The following SPOCK2 variants were observed in gnomAD, a reference collection of about 807,000 sequenced individuals.
The protein encoded by SPOCK2 is testican-2.
A neutral mutation model predicts 60.1 loss-of-function variants in SPOCK2; 39 were observed. The ratio of observed to expected loss-of-function variants is 0.65; its 90% CI spans 0.50 to 0.85. The LOEUF is 0.85. Ranked by LOEUF, SPOCK2 falls within the 40% of genes least tolerant of loss-of-function variation. The pLI is 0.00. For synonymous variants in SPOCK2, 217 were observed against 231.5 expected, an observed-to-expected ratio of 0.94 and a Z score of 0.57; for missense variants, 523 against 567.4, an observed-to-expected ratio of 0.92 and a Z score of 0.80.
In SPOCK2 at chr10:72,062,823, G is replaced by A. The variant is rs1028819785; in HGVS notation, c.1212C>T (p.Gly404=). ...DEEEKETEEA[G]EEAEEEEGEA... is the part of the protein sequence containing the mutation. ...CGCCCTCCTCCTCCTCGGCCTCCTC[G>A]CCTGCTTCCTCCGTCTCCTTCTCCT... Residue 404 remains glycine, a synonymous_variant, in exon 11 of 11, where the codon GGC becomes GGT. Transcript: ENST00000373109. This position sits in a 1 kb window ranked among gnomAD's most constrained non-coding sequence, Gnocchi z 4.3. 1.2e-5 allele frequency: 19 copies of A among 1,609,318 alleles called. No individual in the cohort carries two copies. The highest frequency in any genetic ancestry group is 4.4e-5 in the South Asian group (4 of 90,894).
rs1001722128 is a variant in SPOCK2, at chr10:72,060,556, T to C, written c.*2204A>G. 7.0e-6 allele frequency: 1 copy of C among 142,528 alleles called. No homozygotes were observed. Among genetic ancestry groups the C allele is most frequent in the South Asian group, 2.2e-4 (1 of 4,494 alleles). 8.8% of individuals were successfully genotyped at this position (142,528 alleles called of 1,614,324 possible). A position where few individuals can be genotyped will look rare whatever the true frequency, so the allele number is the denominator to read the frequency against. Reference sequence around the variant, plus strand: ...AGCTGGGACAAATGGAAGAGATAGGTAGACTCCAATCCTAGCAAGAGCAGA... The same window carrying C: ...AGCTGGGACAAATGGAAGAGATAGGCAGACTCCAATCCTAGCAAGAGCAGA... On this transcript the variant is annotated 3_prime_UTR_variant, in exon 11 of 11. Coordinates refer to ENST00000373109, the MANE Select transcript of SPOCK2 (RefSeq NM_001244950.2).
intron 1 of SPOCK2, 35 bp downstream of exon 1, chr10:72,088,105 C>G: frequency 6.2e-7 from 1 of 1,606,560 alleles, no homozygotes; most frequent in Non-Finnish European, 8.5e-7. Context: ...AACCCGCAAC[C>G]CCGGGTCTCT....
Position 72,062,578 on chromosome 10 carries a change from C to T in SPOCK2, c.*182G>A, listed in dbSNP as rs945519661. 21 of 1,187,982 alleles carry T rather than the reference C, an allele frequency of 1.8e-5. No individual in the cohort carries two copies. In the African/African-American group the frequency reaches 3.2e-4, roughly 18 times the overall value. 73.6% of individuals were successfully genotyped at this position (1,187,982 alleles called of 1,614,324 possible). A position where few individuals can be genotyped will look rare whatever the true frequency, so the allele number is the denominator to read the frequency against. ...ATACACACATGCATGCACACATGCA[C>T]TCACACTGTCACCCGTCCCAGCCAT... On this transcript the variant is annotated 3_prime_UTR_variant, in exon 11 of 11. Transcript: ENST00000373109. The surrounding 1 kb of genome is among the most constrained non-coding windows in gnomAD (Gnocchi z 4.3).
intron 1 of SPOCK2, among the ~76,000 whole-genome samples, chr10:72,080,128 G>A (rs1024282914): frequency 6.6e-6 from 1 of 152,080 alleles, no homozygotes. Context: ...AGTGTTACAA[G>A]GGGTCTCAAT....
At chr10:72,077,847 C>T (rs1159556465) in intron 1 of SPOCK2, among the ~76,000 whole-genome samples, 2 of 152,164 alleles carry the variant, frequency 1.3e-5, no homozygotes, top group African/African-American at 4.8e-5. Flanking sequence ...CCGAATCCCT[C>T]TCGCTTGCCC....
chr10:72,068,272 G>T lies in SPOCK2; in HGVS notation c.504C>A (p.Ser168Arg), dbSNP rs1288261964. The stretch of plus-strand genomic sequence containing the variant: ...CGCATCGCACCGCCAGCTGCTTGCT[G>T]CTCAGGCACGCCTGTTGCTCCAGCT... ...VCKLEQQACL[S>R]SKQLAVRCEG... is the part of the protein sequence containing the mutation. The change falls in exon 6 of 11, where the codon AGC (serine) becomes AGA (arginine). Residue 168 changes from serine (S) to arginine (R), a missense_variant. Transcript: ENST00000373109. 6.2e-7 allele frequency: 1 copy of T among 1,611,852 alleles called. No homozygotes were observed. Among genetic ancestry groups the T allele is most frequent in the African/African-American group, 1.3e-5 (1 of 75,058 alleles).
Position 72,088,353 on chromosome 10 carries a change from G to C in SPOCK2, c.-25C>G. The stretch of plus-strand genomic sequence containing the variant: ...TCGTGGTCTGGGTTCGACCTGGGGG[G>C]GTCTTGACTTCTGCAGTATTTTAAT... On this transcript the variant is annotated 5_prime_UTR_variant, in exon 1 of 11. Transcript: ENST00000373109. 1 of 1,531,910 alleles carries C rather than the reference G, an allele frequency of 6.5e-7. No individual in the cohort carries two copies. The highest frequency in any genetic ancestry group is 8.7e-7 in the Non-Finnish European group (1 of 1,144,052). 94.9% of individuals were successfully genotyped at this position (1,531,910 alleles called of 1,614,324 possible). A position where few individuals can be genotyped will look rare whatever the true frequency, so the allele number is the denominator to read the frequency against.
intron 1 of SPOCK2, among the ~76,000 whole-genome samples, chr10:72,079,923 G>A (rs1180484388): frequency 6.6e-6 from 1 of 152,060 alleles, no homozygotes; most frequent in Non-Finnish European, 1.5e-5. Flanking sequence ...TTCCTTGGCT[G>A]TAAAATAAGG....
intron 1 of SPOCK2, among the ~76,000 whole-genome samples, chr10:72,075,147 G>A (rs1262798434): frequency 6.6e-6 from 1 of 152,130 alleles, no homozygotes; most frequent in Non-Finnish European, 1.5e-5. Context: ...TCTGCTGGGG[G>A]TCCACCCCAC....
At chr10:72,067,374 A>G (rs1840584457) in intron 7 of SPOCK2, among the ~76,000 whole-genome samples, 1 of 152,162 alleles carries the variant, frequency 6.6e-6, no homozygotes, top group African/African-American at 2.4e-5. Flanking sequence ...TCCCTGGGCT[A>G]CCCATGTCAG....
intron 4 of SPOCK2, 59 bp downstream of exon 4, chr10:72,072,085 T>A (rs367675595): frequency 7.4e-7 from 1 of 1,353,078 alleles, no homozygotes; most frequent in Non-Finnish European, 9.8e-7. Flanking sequence ...GAGGGTCAGT[T>A]GAGCCCTTGC....
chr10:72,062,981 C>T lies in SPOCK2; in HGVS notation c.1129+44G>A. 1 of 1,574,674 alleles carries T rather than the reference C, an allele frequency of 6.4e-7. No individual in the cohort carries two copies. The highest frequency in any genetic ancestry group is 8.6e-7 in the Non-Finnish European group (1 of 1,161,844). The stretch of plus-strand genomic sequence containing the variant: ...CCCCAGCATCCCACGACAAGGGCCC[C>T]CAGGCCTGGGCCCCCAGCAGGCCCT... On this transcript the variant is annotated intron_variant, in intron 10 of 10. Coordinates refer to ENST00000373109, the MANE Select transcript of SPOCK2 (RefSeq NM_001244950.2). This position sits in a 1 kb window ranked among gnomAD's most constrained non-coding sequence, Gnocchi z 4.3.
intron 2 of SPOCK2, 162 bp from the exon 3 acceptor site, chr10:72,072,710 C>T (rs1159475669): frequency 3.0e-6 from 4 of 1,326,314 alleles, no homozygotes; most frequent in South Asian, 2.5e-5. Flanking sequence ...CAGCTGCCTC[C>T]CCCACACCTC....
intron 1 of SPOCK2, among the ~76,000 whole-genome samples, chr10:72,076,153 G>A (rs142495744): frequency 5.7e-4 from 87 of 152,228 alleles, no homozygotes; most frequent in African/African-American, 1.7e-3. Context: ...GGGATACGAG[G>A]AGAGTCCCCT....
intron 1 of SPOCK2, chr10:72,086,598 C>T (rs1420636876): frequency 6.0e-5 from 70 of 1,172,342 alleles, no homozygotes; most frequent in Non-Finnish European, 7.0e-5. Context: ...CAGGAGACTG[C>T]GGCTCATCTG....
chr10:72,077,244 C>A lies in SPOCK2; in HGVS notation c.190-4334G>T, dbSNP rs541245143. ...CAAGCGATCCTCCCACCTCAGCCTT[C>A]CAAGTACCTGGGAGCACAGGCATGT... On this transcript the variant is annotated intron_variant, in intron 1 of 10. Transcript: ENST00000373109. Among the ~76,000 whole-genome samples the A allele has an allele frequency of 7.2e-5, 11 of 152,290 alleles. No individual in the cohort carries two copies. The South Asian group carries it at 2.3e-3, about 32-fold the overall frequency.
intron 9 of SPOCK2, among the ~76,000 whole-genome samples, chr10:72,063,464 G>A (rs977367728): frequency 1.3e-5 from 2 of 152,232 alleles, no homozygotes; most frequent in Non-Finnish European, 2.9e-5. Flanking sequence ...TTCTAGGACA[G>A]CCAGTCTGAC....
intron 1 of SPOCK2, among the ~76,000 whole-genome samples, chr10:72,078,244 G>A (rs534966354): frequency 2.0e-4 from 31 of 152,208 alleles, no homozygotes; most frequent in African/African-American, 7.0e-4. Flanking sequence ...GGCCAGGCGC[G>A]GTGGCTCACA....
intron 1 of SPOCK2, among the ~76,000 whole-genome samples, chr10:72,083,378 C>T (rs1745682651): frequency 2.0e-5 from 3 of 152,218 alleles, no homozygotes; most frequent in Non-Finnish European, 2.9e-5. Flanking sequence ...CCCACTAAAC[C>T]ACCAGGAAAA....
Sources: allele counts gnomAD v4.1 joint callset (sites outside exome capture counted in the v4.1 genomes callset), GRCh38; gene constraint gnomAD v4.1.1; non-coding constraint Gnocchi (gnomAD v3.1); transcripts MANE v1.5; gene names NCBI Gene and HGNC (gene_info 2026-07-23, HGNC 2026-07-21).